ANKH: variants seen among roughly 807,000 people sequenced by gnomAD.
ANKH encodes ANKH inorganic pyrophosphate transport regulator, also known as mineralization regulator ANKH.
A neutral mutation model predicts 49.0 loss-of-function variants in ANKH; 15 were observed. The ratio of observed to expected loss-of-function variants is 0.31; its 90% CI spans 0.20 to 0.47. ANKH has a LOEUF of 0.47. Ranked by LOEUF, ANKH falls within the 20% of genes least tolerant of loss-of-function variation. The pLI is 1.00. For missense variants in ANKH, 429 were observed against 652.0 expected, an observed-to-expected ratio of 0.66 and a Z score of 3.72; for synonymous variants, 273 against 260.0, an observed-to-expected ratio of 1.05 and a Z score of -0.48.
At chr5:14,840,818 T>C (rs1741793956) in intron 1 of ANKH, among the ~76,000 whole-genome samples, 1 of 152,162 alleles carries the variant, frequency 6.6e-6, no homozygotes, top group African/African-American at 2.4e-5. Context: ...TTCTGACACC[T>C]AAAGACAGCC....
At chr5:14,814,118 G>T (rs1022434577) in intron 1 of ANKH, among the ~76,000 whole-genome samples, 1 of 152,170 alleles carries the variant, frequency 6.6e-6, no homozygotes, top group African/African-American at 2.4e-5. Context: ...CAGAATCAAT[G>T]ATCCCTTTCC....
In ANKH at chr5:14,707,569, A is replaced by C. The variant is rs141052195; in HGVS notation, c.*3628T>G. On this transcript the variant is annotated 3_prime_UTR_variant, in exon 12 of 12. Coordinates refer to ENST00000284268, the MANE Select transcript of ANKH (RefSeq NM_054027.6). ...GCACTCCTGAGCTGGCCCCGCTGCG[A>C]CGCATCCTGGCGTCTGGAGAACTCA... 1 of 152,168 alleles carries C rather than the reference A, an allele frequency of 6.6e-6. No individual in the cohort carries two copies. Among genetic ancestry groups the C allele is most frequent in the Non-Finnish European group, 1.5e-5 (1 of 68,052 alleles). The allele number at this position is 152,168 out of a possible 1,614,324, so 9.4% of individuals were successfully genotyped here.
At chr5:14,766,786 C>A (rs897342143) in intron 2 of ANKH, among the ~76,000 whole-genome samples, 1 of 152,308 alleles carries the variant, frequency 6.6e-6, no homozygotes, top group South Asian at 2.1e-4. Context: ...CACCCAGGAG[C>A]TGTACATGTA....
chr5:14,858,494 G>A (rs543109812), intron 1 of ANKH, among the ~76,000 whole-genome samples: 17 of 152,136 alleles, frequency 1.1e-4, no homozygotes, highest in Non-Finnish European at 1.6e-4. Context: ...AGGGGGTGCG[G>A]ATCACAAGGT....
intron 2 of ANKH, 133 bp downstream of exon 2, chr5:14,768,842 C>A (rs1203396974): frequency 4.0e-6 from 4 of 1,002,926 alleles, no homozygotes; most frequent in Non-Finnish European, 6.2e-6. Flanking sequence ...TTCCTTCTAT[C>A]CCCTGAAAAT....
At chr5:14,799,259 G>C (rs1369401338) in intron 1 of ANKH, among the ~76,000 whole-genome samples, 1 of 152,210 alleles carries the variant, frequency 6.6e-6, no homozygotes, top group African/African-American at 2.4e-5. Flanking sequence ...GGTTCATGGG[G>C]TTTCAGGAAA....
intron 1 of ANKH, among the ~76,000 whole-genome samples, chr5:14,835,399 T>A (rs1741623591): frequency 6.6e-6 from 1 of 152,146 alleles, no homozygotes; most frequent in Admixed American, 6.5e-5. Flanking sequence ...TTGAAATGCT[T>A]CCCGAGTTCA....
intron 1 of ANKH, among the ~76,000 whole-genome samples, chr5:14,775,435 C>T (rs1203422503): frequency 6.6e-6 from 1 of 152,136 alleles, no homozygotes; most frequent in Non-Finnish European, 1.5e-5. Context: ...AAAGTTATGT[C>T]AATGTGGTCT....
chr5:14,797,301 A>G, intron 1 of ANKH: 1 of 1,551,774 alleles, frequency 6.4e-7, no homozygotes, highest in Non-Finnish European at 8.9e-7. Flanking sequence ...ATGAATAAAC[A>G]ACAACTCTGG....
chr5:14,823,405 C>T (rs1164649559), intron 1 of ANKH, among the ~76,000 whole-genome samples: 2 of 152,106 alleles, frequency 1.3e-5, no homozygotes. Flanking sequence ...AGGAGAGATC[C>T]TGTTTATAAA....
At chr5:14,773,787 C>A (rs1739526676) in intron 1 of ANKH, among the ~76,000 whole-genome samples, 1 of 152,174 alleles carries the variant, frequency 6.6e-6, no homozygotes, top group Non-Finnish European at 1.5e-5. Context: ...GTTCACCTAC[C>A]CCCTTGTTGC....
chr5:14,760,519 A>C (rs1739041802), intron 2 of ANKH, among the ~76,000 whole-genome samples: 1 of 152,210 alleles, frequency 6.6e-6, no homozygotes, highest in Non-Finnish European at 1.5e-5. Flanking sequence ...AATTTTGTTC[A>C]AAGTTTATTG....
At chr5:14,761,734 G>A (rs1179901191) in intron 2 of ANKH, among the ~76,000 whole-genome samples, 1 of 147,392 alleles carries the variant, frequency 6.8e-6, no homozygotes, top group Admixed American at 6.8e-5. Context: ...AAGCAACTTC[G>A]TGTCAGACCA....
chr5:14,849,715 T>C (rs968225690), intron 1 of ANKH, among the ~76,000 whole-genome samples: 2 of 152,220 alleles, frequency 1.3e-5, no homozygotes, highest in Non-Finnish European at 2.9e-5. Context: ...TCTGGGTCTA[T>C]TCAGCTCATT....
intron 1 of ANKH, among the ~76,000 whole-genome samples, chr5:14,844,894 C>T (rs1200072936): frequency 1.3e-5 from 2 of 152,152 alleles, no homozygotes; most frequent in African/African-American, 2.4e-5. Flanking sequence ...GAGCATCTTT[C>T]GGGAGGATTG....
At chr5:14,776,515 A>G (rs908406943) in intron 1 of ANKH, among the ~76,000 whole-genome samples, 1 of 152,198 alleles carries the variant, frequency 6.6e-6, no homozygotes. Flanking sequence ...ATCTAAACAC[A>G]TGAAGGATGT....
chr5:14,785,572 T>A (rs1739948471), intron 1 of ANKH, among the ~76,000 whole-genome samples: 1 of 152,138 alleles, frequency 6.6e-6, no homozygotes, highest in Non-Finnish European at 1.5e-5. Context: ...AAACCTCACC[T>A]CTTCTCATTA....
chr5:14,721,742 A>C (rs528872231), intron 8 of ANKH, among the ~76,000 whole-genome samples: 1 of 152,038 alleles, frequency 6.6e-6, no homozygotes, highest in South Asian at 2.1e-4. Context: ...CATCCTGGCT[A>C]ACACGGTGAA....
At chr5:14,858,594 T>TA (rs1230926895) in intron 1 of ANKH, among the ~76,000 whole-genome samples, 1 of 151,920 alleles carries the variant, frequency 6.6e-6, no homozygotes, top group Non-Finnish European at 1.5e-5. Flanking sequence ...GTAATGCCTG[T>TA]AGTCCCAGCT....
Sources: gnomAD v4.1 joint callset for allele counts (sites outside exome capture counted in the v4.1 genomes callset) on GRCh38, gnomAD v4.1.1 for gene constraint, MANE v1.5 for transcripts, NCBI Gene and HGNC (gene_info 2026-07-23, HGNC 2026-07-21) for gene names.